The following USP4 variants were observed in gnomAD, a reference collection of about 807,000 sequenced individuals.
USP4 encodes the protein ubiquitin carboxyl-terminal hydrolase 4.
A neutral mutation model predicts 118.2 loss-of-function variants in USP4; 72 were observed. The observed-to-expected ratio is 0.61, with a 90% CI of 0.50 to 0.74. The LOEUF (loss-of-function observed/expected upper bound fraction) is 0.74. USP4 is among the 30% of genes least tolerant of loss of function. The pLI, the probability that USP4 is intolerant of heterozygous loss-of-function variation, is 0.00. For missense variants in USP4, 1,037 were observed against 1,185.7 expected (o/e 0.87, Z 1.84); for synonymous variants, 415 against 440.4 (o/e 0.94, Z 0.72).
chr3:49,322,315 A>G (rs752030011), intron 6 of USP4, among the ~76,000 whole-genome samples: 6 of 152,154 alleles, frequency 3.9e-5, no homozygotes, highest in Non-Finnish European at 8.8e-5. Context: ...GTGTGCTTAC[A>G]CTTACTGCAG....
intron 9 of USP4, 132 bp downstream of exon 9, chr3:49,305,583 G>A (rs1559471664): frequency 4.7e-6 from 3 of 642,186 alleles, no homozygotes; most frequent in Non-Finnish European, 2.4e-6. Context: ...TTGGAATGGG[G>A]ATGCTGAACT....
chr3:49,313,127 G>A (rs2047403821), intron 6 of USP4, among the ~76,000 whole-genome samples: 1 of 152,032 alleles, frequency 6.6e-6, no homozygotes, highest in Non-Finnish European at 1.5e-5. Context: ...TCTTGACCTT[G>A]TGATCTGCCT....
At chr3:49,323,159 G>T (rs1016735909) in intron 6 of USP4, among the ~76,000 whole-genome samples, 1 of 150,904 alleles carries the variant, frequency 6.6e-6, no homozygotes, top group East Asian at 2.0e-4. Flanking sequence ...TAGAGACAGG[G>T]TTTCTCCATG....
At chr3:49,329,151 TG>T (rs2047587551) in intron 2 of USP4, among the ~76,000 whole-genome samples, 1 of 152,118 alleles carries the variant, frequency 6.6e-6, no homozygotes, top group Non-Finnish European at 1.5e-5. Flanking sequence ...CACTCCAGCC[TG>T]GGTGACACAG....
intron 9 of USP4, 107 bp from the exon 10 acceptor site, chr3:49,302,649 G>C (rs1423030982): frequency 2.7e-6 from 3 of 1,117,588 alleles, no homozygotes; most frequent in African/African-American, 1.6e-5. Context: ...GGGGCAGTGA[G>C]AGAGAACACT....
chr3:49,321,109 T>C (rs1229781832), intron 6 of USP4, among the ~76,000 whole-genome samples: 1 of 148,936 alleles, frequency 6.7e-6, no homozygotes, highest in African/African-American at 2.4e-5. Context: ...ATGGATTGAC[T>C]GCCTACGTCA....
rs780480823 is a variant in USP4, at chr3:49,335,592, G to T, written c.106C>A (p.Leu36Ile). 9.9e-6 allele frequency: 16 copies of T among 1,614,036 alleles called. No individual in the cohort carries two copies. In the Admixed American group the frequency reaches 2.7e-4, roughly 27 times the overall value. Residue 36 changes from leucine (L) to isoleucine (I), a missense_variant, in exon 2 of 22, where the codon CTT (leucine) becomes ATT (isoleucine). Physicochemically the swap from Leu to Ile is conservative, Grantham distance 5. This residue lies in a region of USP4 where 487 missense variants were observed against 534.1 expected (regional missense o/e 0.91). Transcript: ENST00000265560. ...TGCTTGAACCACCGGCTGTCAATAA[G>T]ATACCTAGAGAGAGACAGAAATTTA... ...TTLQRGAQWY[L>I]IDSRWFKQWK...
Position 49,311,667 on chromosome 3 carries a change from A to C in USP4, c.696-13T>G. The stretch of plus-strand genomic sequence containing the variant: ...CGCAGTGCTTGATCTGGGAGAGAGA[A>C]GCAGAAACAATGCTACTGACTTTTT... On this transcript the variant is annotated splice_polypyrimidine_tract_variant and intron_variant, in intron 6 of 21. Coordinates refer to ENST00000265560, the MANE Select transcript of USP4 (RefSeq NM_003363.4). 1 of 1,613,060 alleles carries C rather than the reference A, an allele frequency of 6.2e-7. No individual in the cohort carries two copies. Among genetic ancestry groups the C allele is most frequent in the Non-Finnish European group, 8.5e-7 (1 of 1,179,462 alleles).
rs2047077136 is a variant in USP4, at chr3:49,284,915, T to C, written c.2205A>G (p.Arg735=). The part of the protein sequence containing the change: ...ADGKLLKLNS[R]STLAMDWDSE... ...TGTCCCAATCCATGGCCAGTGTAGA[T>C]CGAGCTGAGGAGGACCAAAATGTCA... Residue 735 remains arginine (R), a synonymous_variant, in exon 17 of 22, where the codon CGA becomes CGG. Transcript: ENST00000265560. The C allele has an allele frequency of 1.9e-6, 3 of 1,596,566 alleles. No individual in the cohort carries two copies. The highest frequency in any genetic ancestry group is 2.6e-6 in the Non-Finnish European group (3 of 1,171,366).
At chr3:49,292,455 G>C in intron 15 of USP4, 55 bp downstream of exon 15, 2 of 1,209,316 alleles carry the variant, frequency 1.7e-6, no homozygotes, top group Non-Finnish European at 2.3e-6. Context: ...TAGAAGAAGA[G>C]GGAAATCAGG....
intron 13 of USP4, among the ~76,000 whole-genome samples, chr3:49,296,318 ACT>A (rs1408135154): frequency 6.8e-6 from 1 of 147,730 alleles, no homozygotes; most frequent in Non-Finnish European, 1.5e-5. Context: ...ACACAGCAAG[ACT>A]CTATCTCAAA....
chr3:49,282,036 AAACAAC>A (rs559233820), intron 19 of USP4, among the ~76,000 whole-genome samples: 1 of 151,822 alleles, frequency 6.6e-6, no homozygotes, highest in Non-Finnish European at 1.5e-5. Context: ...AAAACAAAAA[AAACAAC>A]AACAACAACA....
chr3:49,324,039 C>G (rs1406526770), intron 6 of USP4, among the ~76,000 whole-genome samples: 1 of 152,012 alleles, frequency 6.6e-6, no homozygotes, highest in African/African-American at 2.4e-5. Context: ...TGCACTGTCA[C>G]CTAGGCTGGA....
chr3:49,278,933 G>A (rs148513168), intron 20 of USP4, 31 bp from the exon 21 acceptor site: 44 of 1,483,516 alleles, frequency 3.0e-5, no homozygotes, highest in African/African-American at 2.2e-4. Flanking sequence ...ATACTCTAGC[G>A]GTCTCCAGAG....
At chr3:49,282,870 G>T (rs2047049794) in intron 19 of USP4, among the ~76,000 whole-genome samples, 1 of 151,458 alleles carries the variant, frequency 6.6e-6, no homozygotes, top group Non-Finnish European at 1.5e-5. Flanking sequence ...ACCACATCCA[G>T]CTAATTTTTG....
chr3:49,328,257 C>A (rs1292582744), intron 2 of USP4, among the ~76,000 whole-genome samples: 2 of 151,944 alleles, frequency 1.3e-5, no homozygotes, highest in Non-Finnish European at 2.9e-5. Flanking sequence ...ACTCGGGAGG[C>A]TGAGGCAGGA....
intron 6 of USP4, chr3:49,317,137 T>C (rs185274905): frequency 1.4e-6 from 2 of 1,403,642 alleles, no homozygotes; most frequent in East Asian, 4.6e-5. Flanking sequence ...CTTGGTCAGG[T>C]TCCCAGCTTC....
At chr3:49,291,372 C>G (rs2047149186) in intron 15 of USP4, among the ~76,000 whole-genome samples, 1 of 149,750 alleles carries the variant, frequency 6.7e-6, no homozygotes, top group Non-Finnish European at 1.5e-5. Flanking sequence ...GTCAGGAGTT[C>G]AAGACCAGCC....
At position 49,280,855 on chromosome 3, in the gene USP4, C is replaced by T. The variant is rs745998188; in HGVS notation, c.2541-8G>A. 8 of 1,612,124 alleles carry T rather than the reference C, an allele frequency of 5.0e-6. No individual in the cohort carries two copies. Among genetic ancestry groups the T allele is most frequent in the Non-Finnish European group, 6.8e-6 (8 of 1,178,654 alleles). ...TCGGACATGTTCAGCCCTCTGAGCA[C>T]AAAACACAAAAATAGTTATTGAATA... On this transcript the variant is annotated splice_region_variant and splice_polypyrimidine_tract_variant and intron_variant, in intron 19 of 21. Coordinates refer to ENST00000265560, the MANE Select transcript of USP4 (RefSeq NM_003363.4).
Sources: allele counts gnomAD v4.1 joint callset (sites outside exome capture counted in the v4.1 genomes callset), GRCh38; gene constraint gnomAD v4.1.1; regional missense constraint gnomAD v4.1.1; transcripts MANE v1.5; gene names NCBI Gene and HGNC (gene_info 2026-07-23, HGNC 2026-07-21).